PLB1: variants seen among roughly 807,000 people sequenced by gnomAD.
PLB1 encodes phospholipase B1, also known as phospholipase B1, membrane-associated.
PLB1 carries 242 observed loss-of-function variants against 227.4 expected under a neutral mutation model. The observed-to-expected ratio is 1.06, with a 90% CI of 0.96 to 1.18. The LOEUF (loss-of-function observed/expected upper bound fraction) is 1.18. Among genes scored for constraint, PLB1 ranks in the 50% most tolerant of loss-of-function variants. PLB1 has a pLI of 0.00. For missense variants in PLB1, 1,858 were observed against 1,816.3 expected (o/e 1.02, Z -0.42); for synonymous variants, 757 against 682.2 (o/e 1.11, Z -1.71).
rs1267322849 is a variant in PLB1 at position 28,631,555 on chromosome 2, G to T, written c.3898-481G>T. On this transcript the variant is annotated intron_variant, in intron 54 of 57. Coordinates refer to ENST00000327757, the MANE Select transcript of PLB1 (RefSeq NM_153021.5). ...TGTTCCTTTTACATTCCATGCTTGGGTACTTAAATCCAGCCACCGTGGACT... is the reference window on the plus strand; with the variant it reads ...TGTTCCTTTTACATTCCATGCTTGGTTACTTAAATCCAGCCACCGTGGACT... 4.6e-5 allele frequency among the ~76,000 whole-genome samples: 7 copies of T among 152,180 alleles called. No homozygotes were observed. The East Asian group carries it at 9.6e-4, about 21-fold the overall frequency.
chr2:28,581,085 C>T (rs1679852249), intron 23 of PLB1, among the ~76,000 whole-genome samples: 1 of 152,170 alleles, frequency 6.6e-6, no homozygotes, highest in Admixed American at 6.5e-5. Context: ...ACACAGCTTT[C>T]ATATGTTCCA....
intron 32 of PLB1, among the ~76,000 whole-genome samples, chr2:28,593,336 G>A (rs1310718013): frequency 3.9e-5 from 6 of 152,174 alleles, no homozygotes; most frequent in African/African-American, 1.4e-4. Context: ...AAGAACGTAG[G>A]GGCATAACGC....
At chr2:28,627,403 CTAG>C (rs1558952861) in intron 51 of PLB1, among the ~76,000 whole-genome samples, 2 of 152,210 alleles carry the variant, frequency 1.3e-5, no homozygotes, top group East Asian at 3.8e-4. Context: ...ATGCCCTCTA[CTAG>C]TCCCAGGATG....
At chr2:28,500,435 T>C (rs185323551) in intron 1 of PLB1, among the ~76,000 whole-genome samples, 5 of 152,350 alleles carry the variant, frequency 3.3e-5, no homozygotes, top group Admixed American at 2.0e-4. Context: ...ACTGTGAGAC[T>C]GTGTGATTAC....
At chr2:28,578,377 A>T (rs1040129543) in intron 22 of PLB1, among the ~76,000 whole-genome samples, 3 of 152,232 alleles carry the variant, frequency 2.0e-5, no homozygotes, top group Non-Finnish European at 2.9e-5. Context: ...GGGGCTGCAG[A>T]TGCACAAAAG....
chr2:28,560,225 G>A (rs1404713825), intron 17 of PLB1, among the ~76,000 whole-genome samples: 2 of 152,228 alleles, frequency 1.3e-5, no homozygotes, highest in South Asian at 2.1e-4. Flanking sequence ...TTAGTGCAGC[G>A]TTGTGCCACT....
intron 20 of PLB1, among the ~76,000 whole-genome samples, chr2:28,567,497 G>T (rs1319949665): frequency 1.1e-4 from 13 of 121,214 alleles, no homozygotes; most frequent in Non-Finnish European, 2.1e-4. Context: ...TTTTGAGATG[G>T]AGTCTCACTC....
Position 28,516,953 on chromosome 2 carries a change from G to A in PLB1, c.117+84G>A, listed in dbSNP as rs1279705534. The stretch of plus-strand genomic sequence containing the variant: ...TTGTAGTGGGTAAACCCAAGTTTTG[G>A]TGCAAGTTGACAGGCCCCTTCCTGA... On this transcript the variant is annotated intron_variant, in intron 2 of 57. Transcript: ENST00000327757. The A allele has an allele frequency of 3.6e-6, 5 of 1,396,232 alleles. No homozygotes were observed. In the East Asian group the frequency reaches 6.9e-5, roughly 19 times the overall value. The allele number at this position is 1,396,232 out of a possible 1,614,324, so 86.5% of individuals were successfully genotyped here.
intron 40 of PLB1, 46 bp downstream of exon 40, chr2:28,604,093 A>C: frequency 6.6e-7 from 1 of 1,520,584 alleles, no homozygotes. Context: ...CCCTACGTTC[A>C]CTCTAACACA....
At position 28,496,146 on chromosome 2, in the gene PLB1, A is replaced by AGCT. The variant is rs759790753; in HGVS notation, c.42_44dup (p.Leu16dup). 23 of 1,614,060 alleles carry AGCT rather than the reference A, an allele frequency of 1.4e-5. No individual in the cohort carries two copies. Among genetic ancestry groups the AGCT allele is most frequent in the East Asian group, 2.2e-5 (1 of 44,874 alleles). Reference sequence around the variant, plus strand: ...CTGCGGCCAGGCATTTTCCTCCTGGAGCTGCTGCTGCTTCTGGGGCAAGGT... The same window carrying AGCT: ...CTGCGGCCAGGCATTTTCCTCCTGGAGCTGCTGCTGCTGCTTCTGGGGCAAGGT... On this transcript the variant is annotated inframe_insertion, in exon 1 of 58. Coordinates refer to ENST00000327757, the MANE Select transcript of PLB1 (RefSeq NM_153021.5).
chr2:28,595,313 A>G (rs1682724684), intron 33 of PLB1: 1 of 152,212 alleles, frequency 6.6e-6, no homozygotes, highest in Admixed American at 6.5e-5. Flanking sequence ...TGTTTCAAAT[A>G]GCTGCCCCCA....
chr2:28,613,351 A>G (rs1685755971), intron 43 of PLB1, among the ~76,000 whole-genome samples: 1 of 152,168 alleles, frequency 6.6e-6, no homozygotes, highest in Non-Finnish European at 1.5e-5. Context: ...TCTCAGTCTT[A>G]TCAACTTGAT....
intron 43 of PLB1, among the ~76,000 whole-genome samples, chr2:28,606,786 G>A (rs1241449840): frequency 6.6e-6 from 1 of 152,224 alleles, no homozygotes; most frequent in Admixed American, 6.5e-5. Context: ...ATGCAGCAGG[G>A]AGAGGAGGCC....
chr2:28,537,216 C>T (rs1671805833), intron 9 of PLB1, among the ~76,000 whole-genome samples: 1 of 152,054 alleles, frequency 6.6e-6, no homozygotes, highest in South Asian at 2.1e-4. Flanking sequence ...TGGTGCCAGC[C>T]CAGGTGATTG....
intron 46 of PLB1, 188 bp downstream of exon 46, chr2:28,618,587 T>A (rs1247153046): frequency 3.3e-6 from 2 of 603,888 alleles, no homozygotes; most frequent in East Asian, 5.8e-5. Flanking sequence ...TTCCCAGTTC[T>A]GCTCAAAGCC....
At chr2:28,627,201 G>A (rs1469073126) in intron 51 of PLB1, among the ~76,000 whole-genome samples, 2 of 152,160 alleles carry the variant, frequency 1.3e-5, no homozygotes, top group African/African-American at 4.8e-5. Context: ...CCAGAGGCTT[G>A]ATGAGAAGTA....
At chr2:28,560,696 A>T (rs1001248736) in intron 17 of PLB1, among the ~76,000 whole-genome samples, 3 of 152,200 alleles carry the variant, frequency 2.0e-5, no homozygotes, top group Admixed American at 2.0e-4. Context: ...TTGAACCTTG[A>T]AAACATTATG....
At chr2:28,587,123 G>A (rs561649828) in intron 26 of PLB1, among the ~76,000 whole-genome samples, 1 of 152,254 alleles carries the variant, frequency 6.6e-6, no homozygotes, top group African/African-American at 2.4e-5. Flanking sequence ...AAGAGGGGCG[G>A]CAGCTGAGGT....
chr2:28,539,221 T>G (rs2148205119), intron 11 of PLB1, 43 bp downstream of exon 11: 2 of 1,539,998 alleles, frequency 1.3e-6, no homozygotes, highest in Non-Finnish European at 1.8e-6. Context: ...GTGACACGGC[T>G]GTCACGTGTG....
Sources: gnomAD v4.1 joint callset for allele counts (sites outside exome capture counted in the v4.1 genomes callset) on GRCh38, gnomAD v4.1.1 for gene constraint, MANE v1.5 for transcripts, NCBI Gene and HGNC (gene_info 2026-07-23, HGNC 2026-07-21) for gene names.